The following CALCB variants were observed in gnomAD, a reference collection of about 807,000 sequenced individuals.
CALCB encodes calcitonin related polypeptide beta, also known as calcitonin gene-related peptide 2.
CALCB carries 8 observed loss-of-function variants against 10.7 expected under a neutral mutation model. The ratio of observed to expected loss-of-function variants is 0.75; its 90% CI spans 0.44 to 1.34. The LOEUF (loss-of-function observed/expected upper bound fraction) is 1.34. Among genes scored for constraint, CALCB ranks in the 40% most tolerant of loss-of-function variants. The pLI, the probability that CALCB is intolerant of heterozygous loss-of-function variation, is 0.01. For synonymous variants in CALCB, 76 were observed against 66.9 expected, an observed-to-expected ratio of 1.14 and a Z score of -0.66; for missense variants, 176 against 162.5, an observed-to-expected ratio of 1.08 and a Z score of -0.45.
Position 15,074,728 on chromosome 11 carries a change from C to T in CALCB, c.10C>T (p.Arg4Trp). The T allele has an allele frequency of 1.2e-6, 2 of 1,613,958 alleles. No individual in the cohort carries two copies. The highest frequency in any genetic ancestry group is 1.7e-6 in the Non-Finnish European group (2 of 1,179,868). MGF[R>W]KFSPFLALSI... ...TTTACAGAGAGGCGGCATGGGTTTCCGGAAGTTCTCCCCCTTCCTGGCTCT... is the reference window on the plus strand; with the variant it reads ...TTTACAGAGAGGCGGCATGGGTTTCTGGAAGTTCTCCCCCTTCCTGGCTCT... The change falls in exon 2 of 5, where the codon CGG (arginine) becomes TGG (tryptophan). Residue 4 changes from arginine to tryptophan, a missense_variant. Arg to Trp is a moderately radical substitution (Grantham distance 101). Transcript: ENST00000324229.
At chr11:15,074,483 TCCTTTCTCTCCAC>T (rs1310864351) in intron 1 of CALCB, among the ~76,000 whole-genome samples, 1 of 152,140 alleles carries the variant, frequency 6.6e-6, no homozygotes, top group Non-Finnish European at 1.5e-5. Context: ...CCAAAATTCA[TCCTTTCTCTCCAC>T]CCTTCCCCTA....
chr11:15,074,396 G>A (rs1850374994), intron 1 of CALCB, among the ~76,000 whole-genome samples: 2 of 152,234 alleles, frequency 1.3e-5, no homozygotes, highest in South Asian at 2.1e-4. Context: ...GCCTGGTTTA[G>A]GCATAAATCA....
At chr11:15,074,678 G>A in intron 1 of CALCB, 32 bp from the exon 2 acceptor site, 1 of 1,532,050 alleles carries the variant, frequency 6.5e-7, no homozygotes. Flanking sequence ...GATCTGTGCT[G>A]GTGCAGTAGT....
At chr11:15,073,975 GTT>G (rs1850371299) in intron 1 of CALCB, among the ~76,000 whole-genome samples, 1 of 152,260 alleles carries the variant, frequency 6.6e-6, no homozygotes, top group Non-Finnish European at 1.5e-5. Flanking sequence ...ATTCTGCAGA[GTT>G]GGGTCCGGGA....
At chr11:15,075,265 C>G in intron 3 of CALCB, 67 bp downstream of exon 3, 2 of 1,610,024 alleles carry the variant, frequency 1.2e-6, no homozygotes, top group African/African-American at 2.7e-5. Flanking sequence ...AGGTGGATCC[C>G]AAGAGGCAGG....
chr11:15,076,202 T>C (rs1205805559), intron 3 of CALCB, among the ~76,000 whole-genome samples: 1 of 152,180 alleles, frequency 6.6e-6, no homozygotes, highest in African/African-American at 2.4e-5. Context: ...TAGCGTATAG[T>C]AATCTGAGTA....
At chr11:15,074,673 G>A in intron 1 of CALCB, 37 bp from the exon 2 acceptor site, 1 of 1,518,522 alleles carries the variant, frequency 6.6e-7, no homozygotes, top group South Asian at 1.2e-5. Context: ...ACCTAGATCT[G>A]TGCTGGTGCA....
rs1426971357 is a variant in CALCB, at chr11:15,078,294, G to A, written c.*237G>A. On this transcript the variant is annotated 3_prime_UTR_variant, in exon 5 of 5. Coordinates refer to ENST00000324229, the MANE Select transcript of CALCB (RefSeq NM_000728.4). ...ATTTAATTCTATGTCCAGTAAAAGT[G>A]ATGGCATCTCTCATTGACTTATCTG... The A allele has an allele frequency of 6.6e-6, 1 of 152,226 alleles. No individual in the cohort carries two copies. The highest frequency in any genetic ancestry group is 1.5e-5 in the Non-Finnish European group (1 of 68,048). 9.4% of individuals were successfully genotyped at this position (152,226 alleles called of 1,614,324 possible).
At chr11:15,075,255 A>G in intron 3 of CALCB, 57 bp downstream of exon 3, 4 of 1,611,842 alleles carry the variant, frequency 2.5e-6, no homozygotes, top group Admixed American at 3.3e-5. Flanking sequence ...ATACACAGGA[A>G]GGTGGATCCC....
Position 15,077,270 on chromosome 11 carries a change from C to T in CALCB, c.225-16C>T. On this transcript the variant is annotated splice_polypyrimidine_tract_variant and intron_variant, in intron 3 of 4. Transcript: ENST00000324229. The stretch of plus-strand genomic sequence containing the variant: ...CACTCACAGGTCTTCTCTTCTTTCT[C>T]TATCTTGCAAATCAGCTCCGCTGCC... 3 of 1,612,446 alleles carry T rather than the reference C, an allele frequency of 1.9e-6. No homozygotes were observed. The highest frequency in any genetic ancestry group is 2.5e-6 in the Non-Finnish European group (3 of 1,179,374).
rs1167372632 is a variant in CALCB, at chr11:15,074,784, C to G, written c.66C>G (p.Ser22Arg). ...TCTTGGTCCTGTACCAGGCGGGCAGCCTCCAGGCGGCGCCATTCAGGTGAG... is the reference window on the plus strand; with the variant it reads ...TCTTGGTCCTGTACCAGGCGGGCAGGCTCCAGGCGGCGCCATTCAGGTGAG... ...LSILVLYQAG[S>R]LQAAPFRSAL... The change falls in exon 2 of 5, where the codon AGC (serine) becomes AGG (arginine). Residue 22 changes from serine (S) to arginine (R), a missense_variant. By Grantham distance (110) the Ser-to-Arg change is moderately radical. Transcript: ENST00000324229. 1 of 1,613,940 alleles carries G rather than the reference C, an allele frequency of 6.2e-7. No homozygotes were observed. The highest frequency in any genetic ancestry group is 8.5e-7 in the Non-Finnish European group (1 of 1,179,898).
intron 2 of CALCB, 37 bp downstream of exon 2, chr11:15,074,841 C>T: frequency 1.3e-6 from 2 of 1,562,502 alleles, no homozygotes; most frequent in Non-Finnish European, 1.8e-6. Flanking sequence ...CTTCTGCTCC[C>T]ACTGCCCCTA....
rs764379130 is a variant in CALCB at position 15,077,399 on chromosome 11, T to G, written c.338T>G (p.Val113Gly). ...AAGAGCAACTTCGTGCCCACCAATG[T>G]GGGTTCCAAAGCCTTTGGCAGGCGC... is the stretch of plus-strand genomic sequence containing the variant. Reference protein sequence around the residue: ...MVKSNFVPTNVGSKAFGRRRR... With the variant: ...MVKSNFVPTNGGSKAFGRRRR... Residue 113 changes from valine to glycine, a missense_variant, in exon 4 of 5, where the codon GTG (valine) becomes GGG (glycine). By Grantham distance (109) the Val-to-Gly change is moderately radical. Coordinates refer to ENST00000324229, the MANE Select transcript of CALCB (RefSeq NM_000728.4). The G allele has an allele frequency of 1.2e-6, 2 of 1,614,246 alleles. No individual in the cohort carries two copies. The highest frequency in any genetic ancestry group is 1.7e-5 in the Admixed American group (1 of 60,032).
chr11:15,075,502 G>A (rs189761248), intron 3 of CALCB, among the ~76,000 whole-genome samples: 1 of 152,332 alleles, frequency 6.6e-6, no homozygotes, highest in Admixed American at 6.5e-5. Flanking sequence ...ATGGGGAGGT[G>A]TGGAATCGTT....
At position 15,075,111 on chromosome 11, in the gene CALCB, C is replaced by T. The variant is rs752729119; in HGVS notation, c.137C>T (p.Ala46Val). Residue 46 changes from alanine to valine, a missense_variant, in exon 3 of 5, where the codon GCG (alanine) becomes GTG (valine). Ala to Val is a moderately conservative substitution (Grantham distance 64). Coordinates refer to ENST00000324229, the MANE Select transcript of CALCB (RefSeq NM_000728.4). ...CCGGCCACACTCAGTAAAGAGGACG[C>T]GCGCCTCCTGCTGGCTGCACTGGTG... ...PDPATLSKED[A>V]RLLLAALVQD... 2 of 1,614,228 alleles carry T rather than the reference C, an allele frequency of 1.2e-6. No homozygotes were observed. Among genetic ancestry groups the T allele is most frequent in the Non-Finnish European group, 1.7e-6 (2 of 1,180,030 alleles).
intron 2 of CALCB, 107 bp from the exon 3 acceptor site, chr11:15,074,954 G>T (rs1298523586): frequency 9.5e-6 from 14 of 1,472,884 alleles, no homozygotes; most frequent in African/African-American, 1.4e-5. Context: ...AGTCGCGGTG[G>T]CCACATCCCC....
intron 1 of CALCB, among the ~76,000 whole-genome samples, chr11:15,074,294 C>T (rs1269615057): frequency 6.6e-6 from 1 of 152,236 alleles, no homozygotes; most frequent in African/African-American, 2.4e-5. Flanking sequence ...TCCAATCCAC[C>T]CTTCCCACCT....
intron 3 of CALCB, among the ~76,000 whole-genome samples, chr11:15,076,312 T>C (rs925141370): frequency 6.6e-6 from 1 of 152,196 alleles, no homozygotes; most frequent in Non-Finnish European, 1.5e-5. Flanking sequence ...AGGGACATAG[T>C]CAACAGCTTG....
chr11:15,077,460 C>T lies in CALCB; in HGVS notation c.*15C>T, dbSNP rs186087005. 5.2e-4 allele frequency: 847 copies of T among 1,613,916 alleles called. 4 individuals are homozygous for T. The African/African-American group carries it at 9.9e-3, about 19-fold the overall frequency. On this transcript the variant is annotated 3_prime_UTR_variant, in exon 4 of 5. Transcript: ENST00000324229. The stretch of plus-strand genomic sequence containing the variant: ...TTCAAGCCTGAGCAGATGAATGACT[C>T]CAGGAAGAAGGTAACTACCCTAATG...
Sources: gnomAD v4.1 joint callset for allele counts (sites outside exome capture counted in the v4.1 genomes callset) on GRCh38, gnomAD v4.1.1 for gene constraint, MANE v1.5 for transcripts, NCBI Gene and HGNC (gene_info 2026-07-23, HGNC 2026-07-21) for gene names.